The following EPHA8 variants were observed in gnomAD, a reference collection of about 807,000 sequenced individuals.
The protein encoded by EPHA8 is ephrin type-A receptor 8.
EPHA8 carries 58 observed loss-of-function variants against 103.6 expected under a neutral mutation model. The observed-to-expected ratio is 0.56, with a 90% confidence interval of 0.45 to 0.70. The LOEUF (loss-of-function observed/expected upper bound fraction) is 0.70. Ranked by LOEUF, EPHA8 falls within the 30% of genes least tolerant of loss-of-function variation. EPHA8 has a pLI of 0.00. For synonymous variants in EPHA8, 559 were observed against 572.5 expected (o/e 0.98, Z 0.34); for missense variants, 1,304 against 1,395.2 (o/e 0.93, Z 1.04).
chr1:22,576,874 T>A lies in EPHA8; in HGVS notation c.817T>A (p.Cys273Ser), dbSNP rs762414738. 6.3e-7 allele frequency: 1 copy of A among 1,586,824 alleles called. No homozygotes were observed. The highest frequency in any genetic ancestry group is 1.3e-5 in the African/African-American group (1 of 74,542). ...SAGYEERRDA[C>S]VACELGFYKS... Reference sequence around the variant, plus strand: ...CGGCTACGAGGAGCGGCGGGATGCCTGTGTGGGTGAGCGCGCCATGGCCTG... The same window carrying A: ...CGGCTACGAGGAGCGGCGGGATGCCAGTGTGGGTGAGCGCGCCATGGCCTG... Residue 273 changes from cysteine (C) to serine (S), a missense_variant, in exon 3 of 17, where the codon TGT becomes AGT. Transcript: ENST00000166244. The surrounding 1 kb of genome is among the most constrained non-coding windows in gnomAD (Gnocchi z 4.8).
At chr1:22,574,897 A>G (rs1044139975) in intron 2 of EPHA8, among the ~76,000 whole-genome samples, 1 of 152,164 alleles carries the variant, frequency 6.6e-6, no homozygotes, top group African/African-American at 2.4e-5. Flanking sequence ...CTATTTTACA[A>G]TCCCACCCGT....
At position 22,597,195 on chromosome 1, in the gene EPHA8, TCCAGAGACTC is replaced by T. The variant is rs1161649300; in HGVS notation, c.1766-108_1766-99del. The T allele has an allele frequency of 1.2e-6, 1 of 821,114 alleles. No homozygotes were observed. The highest frequency in any genetic ancestry group is 1.7e-5 in the African/African-American group (1 of 57,578). The allele number at this position is 821,114 out of a possible 1,614,324, so 50.9% of individuals were successfully genotyped here. On this transcript the variant is annotated intron_variant, in intron 9 of 16. Transcript: ENST00000166244. The surrounding 1 kb of genome is among the most constrained non-coding windows in gnomAD (Gnocchi z 4.6). Reference sequence around the variant, plus strand: ...GGGGTGCGTGTTGTTTGCTACCACATCCAGAGACTCCCAGAGACACCCCTCACCCCACCCC... The same window carrying T: ...GGGGTGCGTGTTGTTTGCTACCACATCCAGAGACACCCCTCACCCCACCCC...
chr1:22,600,157 GGAGGGAGGCAGGAAGGAAGGAAA>G (rs1169498581), intron 13 of EPHA8, among the ~76,000 whole-genome samples: 2 of 128,756 alleles, frequency 1.6e-5, no homozygotes, highest in East Asian at 4.7e-4. Flanking sequence ...AGGGAGGGAA[GGAGGGAGGCAGGAAGGAAGGAAA>G]GAAGGAGGGA....
intron 1 of EPHA8, among the ~76,000 whole-genome samples, chr1:22,568,856 G>T (rs879221445): frequency 6.6e-6 from 1 of 152,206 alleles, no homozygotes; most frequent in Non-Finnish European, 1.5e-5. Flanking sequence ...AAAGCCCTGT[G>T]GGACCGGAAT....
chr1:22,580,959 T>TA, intron 3 of EPHA8, among the ~76,000 whole-genome samples: 2 of 152,278 alleles, frequency 1.3e-5, no homozygotes, highest in Admixed American at 1.3e-4. Flanking sequence ...TGAAGGACCT[T>TA]AGTGATGATT....
chr1:22,601,217 C>T (rs950702324), intron 15 of EPHA8, 83 bp from the exon 16 acceptor site: 15 of 1,537,018 alleles, frequency 9.8e-6, no homozygotes, highest in South Asian at 3.9e-5. Context: ...CCTGCCCTGC[C>T]GAACCCCTTC....
intron 13 of EPHA8, among the ~76,000 whole-genome samples, chr1:22,599,873 G>GA (rs1641653687): frequency 1.2e-5 from 1 of 80,782 alleles, no homozygotes; most frequent in African/African-American, 5.4e-5. Flanking sequence ...GGAAGGGAAG[G>GA]AGGGAGGGAG....
intron 2 of EPHA8, among the ~76,000 whole-genome samples, chr1:22,572,721 C>T (rs1011062397): frequency 6.6e-6 from 1 of 152,238 alleles, no homozygotes; most frequent in Non-Finnish European, 1.5e-5. Flanking sequence ...AAGCGCTGCA[C>T]AGCTGGTTCG....
chr1:22,597,867 T>G lies in EPHA8; in HGVS notation c.2116+6T>G, dbSNP rs1201746470. On this transcript the variant is annotated splice_donor_region_variant and intron_variant, in intron 11 of 16. Coordinates refer to ENST00000166244, the MANE Select transcript of EPHA8 (RefSeq NM_020526.5). The surrounding 1 kb of genome is among the most constrained non-coding windows in gnomAD (Gnocchi z 4.6). ...CGAGGGTGTCGTCACCCGTGGTAGGTGCCGGGCAAAGACAGCCTCCCCCTG... is the reference window on the plus strand; with the variant it reads ...CGAGGGTGTCGTCACCCGTGGTAGGGGCCGGGCAAAGACAGCCTCCCCCTG... 2 of 1,602,728 alleles carry G rather than the reference T, an allele frequency of 1.2e-6. No individual in the cohort carries two copies. Among genetic ancestry groups the G allele is most frequent in the South Asian group, 2.2e-5 (2 of 89,286 alleles).
At chr1:22,587,554 G>A (rs1641251654) in intron 4 of EPHA8, among the ~76,000 whole-genome samples, 1 of 152,158 alleles carries the variant, frequency 6.6e-6, no homozygotes, top group African/African-American at 2.4e-5. Context: ...GCAGCGCCTG[G>A]ATTCTCTCCT....
chr1:22,574,283 A>C (rs891123539), intron 2 of EPHA8, among the ~76,000 whole-genome samples: 1 of 152,174 alleles, frequency 6.6e-6, no homozygotes, highest in Non-Finnish European at 1.5e-5. Context: ...CCGGCCAGGC[A>C]TCTTTCTTTC....
chr1:22,587,382 G>T (rs548516661), intron 4 of EPHA8, among the ~76,000 whole-genome samples: 1 of 152,292 alleles, frequency 6.6e-6, no homozygotes, highest in African/African-American at 2.4e-5. Flanking sequence ...TGTCTTGTGA[G>T]CTCAGCACGT....
intron 4 of EPHA8, among the ~76,000 whole-genome samples, chr1:22,588,215 C>A (rs530020292): frequency 6.8e-4 from 104 of 152,262 alleles, no homozygotes; most frequent in African/African-American, 2.5e-3. Context: ...GCCAGGGGTC[C>A]CCACAGACCC....
intron 13 of EPHA8, 31 bp from the exon 14 acceptor site, chr1:22,600,630 C>T (rs776208881): frequency 1.2e-6 from 2 of 1,609,090 alleles, no homozygotes; most frequent in South Asian, 2.2e-5. Flanking sequence ...CAGGCCTGGG[C>T]AGCCCCTCAA....
chr1:22,595,545 A>C (rs750778187), intron 8 of EPHA8, among the ~76,000 whole-genome samples: 4 of 152,190 alleles, frequency 2.6e-5, no homozygotes, highest in Non-Finnish European at 5.9e-5. Context: ...TTCTTGCCAG[A>C]ATCACACAGC....
chr1:22,564,612 G>A (rs1022905651), intron 1 of EPHA8, among the ~76,000 whole-genome samples: 1 of 151,890 alleles, frequency 6.6e-6, no homozygotes, highest in Admixed American at 6.6e-5. Flanking sequence ...GACTTCTGGT[G>A]GTGGGGGCAC....
Position 22,569,458 on chromosome 1 carries a change from G to T in EPHA8, c.159+105G>T. Reference sequence around the variant, plus strand: ...GATCAAAAGGAAGCAGAGGCCCAGAGAGGTCAAGGGACTTACCCAAGGGCA... The same window carrying T: ...GATCAAAAGGAAGCAGAGGCCCAGATAGGTCAAGGGACTTACCCAAGGGCA... On this transcript the variant is annotated intron_variant, in intron 2 of 16. Coordinates refer to ENST00000166244, the MANE Select transcript of EPHA8 (RefSeq NM_020526.5). The surrounding 1 kb of genome is among the most constrained non-coding windows in gnomAD (Gnocchi z 4.5). 1 of 1,261,200 alleles carries T rather than the reference G, an allele frequency of 7.9e-7. No homozygotes were observed. The allele number at this position is 1,261,200 out of a possible 1,614,324, so 78.1% of individuals were successfully genotyped here.
rs1027603305 is a variant in EPHA8, at chr1:22,567,064, C to G, written c.95-2225C>G. On this transcript the variant is annotated intron_variant, in intron 1 of 16. Coordinates refer to ENST00000166244, the MANE Select transcript of EPHA8 (RefSeq NM_020526.5). This position sits in a 1 kb window ranked among gnomAD's most constrained non-coding sequence, Gnocchi z 4.2. ...GCTGCAGATACGGTGGGGCTTCCCC[C>G]AGGAGGGCAGGGCCTGGAGAGCGGT... Among the ~76,000 whole-genome samples, 2 of 152,178 alleles carry G rather than the reference C, an allele frequency of 1.3e-5. No homozygotes were observed. Among genetic ancestry groups the G allele is most frequent in the Admixed American group, 6.5e-5 (1 of 15,284 alleles).
At chr1:22,586,305 C>G (rs1051058605) in intron 3 of EPHA8, among the ~76,000 whole-genome samples, 175 bp from the exon 4 acceptor site, 3 of 152,016 alleles carry the variant, frequency 2.0e-5, no homozygotes, top group Non-Finnish European at 2.9e-5. Context: ...CACAGGCCCC[C>G]TCTGCACTTC....
Sources: allele counts gnomAD v4.1 joint callset (sites outside exome capture counted in the v4.1 genomes callset), GRCh38; gene constraint gnomAD v4.1.1; non-coding constraint Gnocchi (gnomAD v3.1); transcripts MANE v1.5; gene names NCBI Gene and HGNC (gene_info 2026-07-23, HGNC 2026-07-21).